The following COL5A1 variants were observed in gnomAD, a reference collection of about 807,000 sequenced individuals.
COL5A1 encodes collagen alpha-1(V) chain.
In COL5A1, 16 loss-of-function variants were observed where a neutral mutation model predicts 263.7. That is an observed-to-expected ratio of 0.06 (90% CI 0.04 to 0.09). The LOEUF (loss-of-function observed/expected upper bound fraction) is 0.09. COL5A1 is among the 10% of genes least tolerant of loss of function. COL5A1 has a pLI of 1.00. For missense variants in COL5A1, 2,036 were observed against 2,540.5 expected (o/e 0.80, Z 4.27); for synonymous variants, 1,012 against 1,004.5 (o/e 1.01, Z -0.14).
rs1405029064 is a variant in COL5A1 at position 134,747,982 on chromosome 9, CAT to C, written c.1495-2559_1495-2558del. Reference sequence around the variant, plus strand: ...ACATGCACACATGCATTCACACACACATGCATTCACACACACATACACATGCA... The same window carrying C: ...ACATGCACACATGCATTCACACACACGCATTCACACACACATACACATGCA... On this transcript the variant is annotated intron_variant, in intron 11 of 65. Transcript: ENST00000371817. Among the ~76,000 whole-genome samples, 158 of 151,586 alleles carry C rather than the reference CAT, an allele frequency of 1.0e-3. 2 individuals carry two copies. Among genetic ancestry groups the C allele is most frequent in the African/African-American group, 3.7e-3 (150 of 40,942 alleles).
intron 4 of COL5A1, 69 bp from the exon 5 acceptor site, chr9:134,727,197 C>T: frequency 6.5e-7 from 1 of 1,536,744 alleles, no homozygotes; most frequent in Non-Finnish European, 9.0e-7. Context: ...AGGCATGGGG[C>T]TGTGTCTCCC....
chr9:134,678,206 GGTGGTCT>G lies in COL5A1; in HGVS notation c.110-12701_110-12695del, dbSNP rs1272833780. 5.3e-5 allele frequency among the ~76,000 whole-genome samples: 8 copies of G among 152,226 alleles called. No individual in the cohort carries two copies. The highest frequency in any genetic ancestry group is 1.0e-4 in the Non-Finnish European group (7 of 68,046). On this transcript the variant is annotated intron_variant, in intron 1 of 65. Transcript: ENST00000371817. This position sits in a 1 kb window ranked among gnomAD's most constrained non-coding sequence, Gnocchi z 5.5. ...TGAAACTCAGGTGGTCTGTATCTCT[GGTGGTCT>G]GTGGCTCTGAAGCCATGGGCAGCTT...
At chr9:134,718,392 A>G (rs1834344942) in intron 4 of COL5A1, among the ~76,000 whole-genome samples, 1 of 152,222 alleles carries the variant, frequency 6.6e-6, no homozygotes, top group African/African-American at 2.4e-5. Context: ...AAAGGGGGAA[A>G]ATGGTCAGTT....
rs767375860 is a variant in COL5A1 at position 134,681,094 on chromosome 9, C to T, written c.110-9818C>T. Among the ~76,000 whole-genome samples, 23 of 152,188 alleles carry T rather than the reference C, an allele frequency of 1.5e-4. No homozygotes were observed. The highest frequency in any genetic ancestry group is 2.2e-4 in the African/African-American group (9 of 41,446). On this transcript the variant is annotated intron_variant, in intron 1 of 65. Transcript: ENST00000371817. This position sits in a 1 kb window ranked among gnomAD's most constrained non-coding sequence, Gnocchi z 4.3. The stretch of plus-strand genomic sequence containing the variant: ...CATTGAGGAAGAATTTCAGTCGCAG[C>T]CTCCAGAGCGCCTCTGTTTTTCGAC...
At chr9:134,753,788 C>G in intron 14 of COL5A1, 62 bp from the exon 15 acceptor site, 1 of 1,131,850 alleles carries the variant, frequency 8.8e-7, no homozygotes, top group South Asian at 1.2e-5. Flanking sequence ...CCACCCCCAG[C>G]CCTTCCTGTG....
intron 28 of COL5A1, 141 bp downstream of exon 28, chr9:134,780,287 C>A: frequency 1.2e-6 from 1 of 845,518 alleles, no homozygotes; most frequent in Non-Finnish European, 2.0e-6. Flanking sequence ...ATGGATGCCA[C>A]TCTGTGGAAA....
At chr9:134,752,172 G>A (rs1158455309) in intron 13 of COL5A1, among the ~76,000 whole-genome samples, 1 of 152,196 alleles carries the variant, frequency 6.6e-6, no homozygotes, top group Admixed American at 6.5e-5. Context: ...CGCCTCCCAT[G>A]TGAAATAAAA....
chr9:134,732,416 C>T, intron 9 of COL5A1: 1 of 568,566 alleles, frequency 1.8e-6, no homozygotes, highest in East Asian at 3.0e-5. Context: ...GTCAGTTTCA[C>T]CTGGGATGAA....
intron 4 of COL5A1, among the ~76,000 whole-genome samples, chr9:134,703,602 A>G (rs1833741297): frequency 7.4e-6 from 1 of 135,792 alleles, no homozygotes; most frequent in South Asian, 2.6e-4. Flanking sequence ...CTGCCTCTGG[A>G]TGGGAGGCCA....
Position 134,754,469 on chromosome 9 carries a change from C to T in COL5A1, c.1827+143C>T. 2.1e-6 allele frequency: 2 copies of T among 942,144 alleles called. No individual in the cohort carries two copies. Among genetic ancestry groups the T allele is most frequent in the Non-Finnish European group, 3.4e-6 (2 of 591,182 alleles). The allele number at this position is 942,144 out of a possible 1,614,324, so 58.4% of individuals were successfully genotyped here. ...CTTCTTGTGATGGGTGCGTCCATCC[C>T]CAAGGCTGCCTCTGAGCCAGCTGCC... On this transcript the variant is annotated intron_variant, in intron 16 of 65. Transcript: ENST00000371817. This position sits in a 1 kb window ranked among gnomAD's most constrained non-coding sequence, Gnocchi z 4.3.
At chr9:134,656,561 T>A (rs1831980324) in intron 1 of COL5A1, among the ~76,000 whole-genome samples, 1 of 152,110 alleles carries the variant, frequency 6.6e-6, no homozygotes, top group Non-Finnish European at 1.5e-5. Flanking sequence ...AATACTGGTG[T>A]GGATGCAAAG....
chr9:134,803,942 A>ACTG (rs1358379947), intron 39 of COL5A1, among the ~76,000 whole-genome samples: 1 of 152,140 alleles, frequency 6.6e-6, no homozygotes, highest in African/African-American at 2.4e-5. Flanking sequence ...GCCAGCTCCA[A>ACTG]CTGCCCCCTT....
chr9:134,654,027 T>TG (rs1831795178), intron 1 of COL5A1, among the ~76,000 whole-genome samples: 1 of 50,060 alleles, frequency 2.0e-5, no homozygotes, highest in Non-Finnish European at 4.0e-5. Flanking sequence ...AGGGCTGGAG[T>TG]TGTGTAGAGC....
At chr9:134,824,015 ATG>A (rs5901055) in intron 61 of COL5A1, among the ~76,000 whole-genome samples, 22,535 of 148,802 alleles carry the variant, frequency 0.15, 1,942 homozygotes, top group South Asian at 0.27. Flanking sequence ...ATATATGTGC[ATG>A]TGTGTGTGTG....
chr9:134,753,762 C>T, intron 14 of COL5A1, 88 bp from the exon 15 acceptor site: 2 of 690,852 alleles, frequency 2.9e-6, no homozygotes, highest in South Asian at 2.8e-5. Flanking sequence ...TGTCCCCTCC[C>T]CCTGCCCCTC....
At chr9:134,684,574 C>T (rs1342728102) in intron 1 of COL5A1, among the ~76,000 whole-genome samples, 1 of 152,228 alleles carries the variant, frequency 6.6e-6, no homozygotes, top group Non-Finnish European at 1.5e-5. Context: ...GCGCTGAGCA[C>T]TGTAGTCCTT....
intron 37 of COL5A1, among the ~76,000 whole-genome samples, chr9:134,799,666 A>G (rs2132814398): frequency 6.6e-6 from 1 of 152,286 alleles, no homozygotes; most frequent in Admixed American, 6.5e-5. Flanking sequence ...TCTTTGGTTC[A>G]TCGTGATGAA....
chr9:134,829,000 A>G (rs902512966), intron 63 of COL5A1, among the ~76,000 whole-genome samples: 12 of 151,502 alleles, frequency 7.9e-5, no homozygotes, highest in African/African-American at 2.7e-4. Context: ...ATGCACGCGC[A>G]CACACACACG....
At chr9:134,833,921 G>T (rs1277504013) in intron 64 of COL5A1, among the ~76,000 whole-genome samples, 1 of 152,208 alleles carries the variant, frequency 6.6e-6, no homozygotes, top group Non-Finnish European at 1.5e-5. Flanking sequence ...TACAGATCAG[G>T]GTCCCTAAGC....
Sources: gnomAD v4.1 joint callset for allele counts (sites outside exome capture counted in the v4.1 genomes callset) on GRCh38, gnomAD v4.1.1 for gene constraint, Gnocchi (gnomAD v3.1) non-coding constraint, MANE v1.5 for transcripts, NCBI Gene and HGNC (gene_info 2026-07-23, HGNC 2026-07-21) for gene names.